Variants in HECTD3 observed in about 807,000 individuals in gnomAD.
HECTD3 encodes the protein E3 ubiquitin-protein ligase HECTD3.
Under a neutral mutation model 109.3 loss-of-function variants are expected in HECTD3, and 72 were observed. That is an observed-to-expected ratio of 0.66 (90% CI 0.54 to 0.80). HECTD3 has a LOEUF of 0.80. Among genes scored for constraint, HECTD3 ranks in the 30% least tolerant of loss-of-function variants. The pLI, the probability that HECTD3 is intolerant of heterozygous loss-of-function variation, is 0.00. For synonymous variants in HECTD3, 481 were observed against 471.8 expected (o/e 1.02, Z -0.25); for missense variants, 1,041 against 1,165.2 (o/e 0.89, Z 1.55).
Position 45,004,595 on chromosome 1 carries a change from A to G in HECTD3, c.2142+5T>C, listed in dbSNP as rs899893326. On this transcript the variant is annotated splice_donor_5th_base_variant and intron_variant, in intron 16 of 20. Coordinates refer to ENST00000372172, the MANE Select transcript of HECTD3 (RefSeq NM_024602.6). ...CTCTCTGCTCTACTAGCCTCTGGGT[A>G]CTACCTGCTCCTTGCTCTCCTCTAG... 4 of 1,613,826 alleles carry G rather than the reference A, an allele frequency of 2.5e-6. No individual in the cohort carries two copies. In the Admixed American group the frequency reaches 5.0e-5, roughly 20 times the overall value.
intron 2 of HECTD3, 66 bp from the exon 3 acceptor site, chr1:45,010,359 C>G (rs113562836): frequency 6.6e-7 from 1 of 1,510,246 alleles, no homozygotes; most frequent in Non-Finnish European, 9.2e-7. Flanking sequence ...TACCTCCATG[C>G]CGTGTAGCCT....
At chr1:45,005,283 A>T (rs1057118792) in intron 15 of HECTD3, 2 of 220,942 alleles carry the variant, frequency 9.1e-6, no homozygotes, top group Non-Finnish European at 1.8e-5. Context: ...CAAACGGGTA[A>T]GAACGGAGAC....
chr1:45,010,671 C>T lies in HECTD3; in HGVS notation c.405G>A (p.Leu135=). 6.3e-7 allele frequency: 1 copy of T among 1,582,020 alleles called. No individual in the cohort carries two copies. The highest frequency in any genetic ancestry group is 1.1e-5 in the South Asian group (1 of 88,506). ...GGCACACCAGCAGCCAGCCTTCCTGCAGCCCGCAGTCGCCCAGGTGCTCTG... is the reference window on the plus strand; with the variant it reads ...GGCACACCAGCAGCCAGCCTTCCTGTAGCCCGCAGTCGCCCAGGTGCTCTG... ...QLAEHLGDCG[L]QEGWLLVCRP... is the part of the protein sequence containing the mutation. Residue 135 remains leucine (L), a synonymous_variant, in exon 2 of 21, where the codon CTG becomes CTA. Coordinates refer to ENST00000372172, the MANE Select transcript of HECTD3 (RefSeq NM_024602.6).
At position 45,010,557 on chromosome 1, in the gene HECTD3, C is replaced by T. The variant is rs776423045; in HGVS notation, c.519G>A (p.Arg173=). Residue 173 remains arginine, a synonymous_variant, in exon 2 of 21, where the codon CGG becomes CGA. Transcript: ENST00000372172. The part of the protein sequence containing the change: ...RQQQLFGVDY[R]PVLRWEQVVD... ...TTCAAGTGCAGTACCTGAGCACCGG[C>T]CGATAATCCACGCCAAAGAGCTGCT... The T allele has an allele frequency of 2.4e-5, 38 of 1,613,564 alleles. No homozygotes were observed. In the South Asian group the frequency reaches 4.0e-4, roughly 17 times the overall value.
At position 45,004,714 on chromosome 1, in the gene HECTD3, G is replaced by C; in HGVS notation, c.2028C>G (p.Asp676Glu). The C allele has an allele frequency of 6.2e-7, 1 of 1,614,206 alleles. No individual in the cohort carries two copies. Among genetic ancestry groups the C allele is most frequent in the Non-Finnish European group, 8.5e-7 (1 of 1,180,020 alleles). ...KELTFTTVLS[D>E]QQVVELIPGG... ...CAGGGATCAGCTCCACCACCTGTTGGTCACTCAGTACAGTGGTGAATGTTA... is the reference window on the plus strand; with the variant it reads ...CAGGGATCAGCTCCACCACCTGTTGCTCACTCAGTACAGTGGTGAATGTTA... Residue 676 changes from aspartate to glutamate, a missense_variant, in exon 16 of 21, where the codon GAC (aspartate) becomes GAG (glutamate). Transcript: ENST00000372172.
Position 45,010,723 on chromosome 1 carries a change from G to C in HECTD3, c.370-17C>G, listed in dbSNP as rs1243827285. ...CAGCTGCTCCTGCCGGGACGCGTAGGATGGGGACAGCCGTCAGGGAACTGC... is the reference window on the plus strand; with the variant it reads ...CAGCTGCTCCTGCCGGGACGCGTAGCATGGGGACAGCCGTCAGGGAACTGC... On this transcript the variant is annotated splice_polypyrimidine_tract_variant and intron_variant, in intron 1 of 20. Coordinates refer to ENST00000372172, the MANE Select transcript of HECTD3 (RefSeq NM_024602.6). 6.5e-7 allele frequency: 1 copy of C among 1,535,278 alleles called. No individual in the cohort carries two copies. The highest frequency in any genetic ancestry group is 8.7e-7 in the Non-Finnish European group (1 of 1,146,688).
intron 11 of HECTD3, 59 bp downstream of exon 11, chr1:45,007,160 G>T (rs926519790): frequency 3.5e-6 from 5 of 1,439,518 alleles, no homozygotes; most frequent in Non-Finnish European, 4.7e-6. Flanking sequence ...GTGTGTGTTT[G>T]TGTGTGTTTG....
Position 45,009,976 on chromosome 1 carries a change from C to G in HECTD3, c.759+10G>C. 1 of 1,524,156 alleles carries G rather than the reference C, an allele frequency of 6.6e-7. No individual in the cohort carries two copies. The allele number at this position is 1,524,156 out of a possible 1,614,324, so 94.4% of individuals were successfully genotyped here. A position where few individuals can be genotyped will look rare whatever the true frequency, so the allele number is the denominator to read the frequency against. On this transcript the variant is annotated intron_variant, in intron 4 of 20. Coordinates refer to ENST00000372172, the MANE Select transcript of HECTD3 (RefSeq NM_024602.6). The stretch of plus-strand genomic sequence containing the variant: ...ATCTTGCCTGGGGTGGGAGGAGCCC[C>G]AGCACCCACCGTGTAGGAGGAAACG...
chr1:45,009,828 T>C, intron 4 of HECTD3, 145 bp from the exon 5 acceptor site: 1 of 1,084,106 alleles, frequency 9.2e-7, no homozygotes, highest in Non-Finnish European at 1.3e-6. Context: ...GCTGGGTATG[T>C]AAGGGGTCCT....
chr1:45,003,217 C>T lies in HECTD3; in HGVS notation c.*275G>A. On this transcript the variant is annotated 3_prime_UTR_variant, in exon 21 of 21. Transcript: ENST00000372172. The surrounding 1 kb of genome is among the most constrained non-coding windows in gnomAD (Gnocchi z 4.7). ...CCCCCTTCAAGTAGCTCAGGCCTGG[C>T]AGCTTGTGCTGGGCTTGTGGAAGAT... 1 of 477,370 alleles carries T rather than the reference C, an allele frequency of 2.1e-6. No homozygotes were observed. The highest frequency in any genetic ancestry group is 2.6e-5 in the South Asian group (1 of 38,156). The allele number at this position is 477,370 out of a possible 1,614,324, so 29.6% of individuals were successfully genotyped here.
At chr1:45,010,415 T>C in intron 2 of HECTD3, 122 bp from the exon 3 acceptor site, 1 of 1,461,234 alleles carries the variant, frequency 6.8e-7, no homozygotes. Context: ...CCCCTTCACG[T>C]CCCGCCCCTT....
intron 9 of HECTD3, 39 bp downstream of exon 9, chr1:45,008,201 G>A: frequency 1.3e-6 from 2 of 1,497,212 alleles, no homozygotes; most frequent in Non-Finnish European, 1.9e-6. Context: ...TGAGCAGGAA[G>A]GGGAAATGCC....
chr1:45,008,994 G>T, intron 7 of HECTD3, 150 bp downstream of exon 7: 1 of 724,940 alleles, frequency 1.4e-6, no homozygotes, highest in Non-Finnish European at 2.4e-6. Context: ...GTCCCAGCTG[G>T]CTCAGGCCCC....
chr1:45,010,571 C>T lies in HECTD3; in HGVS notation c.505G>A (p.Gly169Ser). Residue 169 changes from glycine (G) to serine (S), a missense_variant, in exon 2 of 21, where the codon GGC becomes AGC. By Grantham distance (56) the Gly-to-Ser change is moderately conservative. Coordinates refer to ENST00000372172, the MANE Select transcript of HECTD3 (RefSeq NM_024602.6). ...CTGAGCACCGGCCGATAATCCACGC[C>T]AAAGAGCTGCTGCTGCCGCTGGAGG... ...NHLQRQQQLF[G>S]VDYRPVLRWE... The T allele has an allele frequency of 6.2e-7, 1 of 1,613,668 alleles. No homozygotes were observed. The highest frequency in any genetic ancestry group is 2.2e-5 in the East Asian group (1 of 44,874).
At chr1:45,008,999 G>A (rs1263712402) in intron 7 of HECTD3, 145 bp downstream of exon 7, 2 of 740,606 alleles carry the variant, frequency 2.7e-6, no homozygotes, top group South Asian at 1.7e-5. Flanking sequence ...AGCTGGCTCA[G>A]GCCCCAAAGC....
rs757418212 is a variant in HECTD3 at position 45,010,689 on chromosome 1, G to T, written c.387C>A (p.His129Gln). ...CTTCCTGCAGCCCGCAGTCGCCCAG[G>T]TGCTCTGCCAGCTGCTCCTGCCGGG... ...VKLTKEQLAE[H>Q]LGDCGLQEGW... Residue 129 changes from histidine to glutamine, a missense_variant, in exon 2 of 21, where the codon CAC (histidine) becomes CAA (glutamine). Physicochemically the swap from His to Gln is conservative, Grantham distance 24 (BLOSUM62 0). Around this residue, in one of 2 missense-constraint regions of HECTD3, gnomAD observed 472 missense variants for 449.9 expected, o/e 1.05. Transcript: ENST00000372172. The T allele has an allele frequency of 1.9e-6, 3 of 1,562,136 alleles. No individual in the cohort carries two copies. The South Asian group carries it at 3.5e-5, about 18-fold the overall frequency.
chr1:45,005,163 G>C (rs994965941), intron 15 of HECTD3: 14 of 395,020 alleles, frequency 3.5e-5, no homozygotes, highest in South Asian at 2.3e-4. Context: ...GGAGACACAG[G>C]GTTCACGTAA....
At position 45,006,488 on chromosome 1, in the gene HECTD3, G is replaced by A. The variant is rs1433461305; in HGVS notation, c.1725+204C>T. On this transcript the variant is annotated intron_variant, in intron 13 of 20. Transcript: ENST00000372172. This position sits in a 1 kb window ranked among gnomAD's most constrained non-coding sequence, Gnocchi z 4.7. The stretch of plus-strand genomic sequence containing the variant: ...GCCCGGCTAATTTTTTATTTTTATA[G>A]AGATGGGGCTTCACTTCATTGGCCA... Among the ~76,000 whole-genome samples, 1 of 152,000 alleles carries A rather than the reference G, an allele frequency of 6.6e-6. No individual in the cohort carries two copies. The highest frequency in any genetic ancestry group is 2.4e-5 in the African/African-American group (1 of 41,360).
chr1:45,006,831 A>G lies in HECTD3; in HGVS notation c.1622-36T>C. On this transcript the variant is annotated intron_variant, in intron 12 of 20. Transcript: ENST00000372172. The surrounding 1 kb of genome is among the most constrained non-coding windows in gnomAD (Gnocchi z 4.7). Reference sequence around the variant, plus strand: ...AGATGCCCTCAGCTGGGCACTCAAGAGCCCAGCTCCCATAATGGGGTAATG... The same window carrying G: ...AGATGCCCTCAGCTGGGCACTCAAGGGCCCAGCTCCCATAATGGGGTAATG... The G allele has an allele frequency of 6.3e-7, 1 of 1,592,976 alleles. No individual in the cohort carries two copies. The highest frequency in any genetic ancestry group is 8.6e-7 in the Non-Finnish European group (1 of 1,162,720).
Sources: gnomAD v4.1 joint callset for allele counts (sites outside exome capture counted in the v4.1 genomes callset) on GRCh38, gnomAD v4.1.1 for gene constraint, gnomAD v4.1.1 regional missense constraint, Gnocchi (gnomAD v3.1) non-coding constraint, MANE v1.5 for transcripts, NCBI Gene and HGNC (gene_info 2026-07-23, HGNC 2026-07-21) for gene names.